The following PGAP1 variants were observed in gnomAD, a reference collection of about 807,000 sequenced individuals.
PGAP1 encodes the protein post-GPI attachment to proteins inositol deacylase 1, also known as GPI inositol-deacylase.
In PGAP1, 76 loss-of-function variants were observed where a neutral mutation model predicts 127.0. The ratio of observed to expected loss-of-function variants is 0.60; its 90% confidence interval spans 0.50 to 0.72. The LOEUF is 0.72. PGAP1 is among the 30% of genes least tolerant of loss of function. The pLI, the probability that PGAP1 is intolerant of heterozygous loss-of-function variation, is 0.00. For missense variants in PGAP1, 982 were observed against 1,071.3 expected (o/e 0.92, Z 1.16); for synonymous variants, 362 against 366.5 (o/e 0.99, Z 0.14).
chr2:196,896,575 G>A (rs1473092726), intron 7 of PGAP1, among the ~76,000 whole-genome samples: 1 of 152,154 alleles, frequency 6.6e-6, no homozygotes, highest in East Asian at 1.9e-4. Context: ...GCCGGGTGTA[G>A]TAGTTCACGC....
chr2:196,899,752 G>C lies in PGAP1; in HGVS notation c.808-1383C>G, dbSNP rs1702413524. ...CTCTCTTGCTTTAATATGTGACTGA[G>C]ATCGGGCGTAGTGGCTCACGCCTGT... On this transcript the variant is annotated intron_variant, in intron 5 of 26. Coordinates refer to ENST00000354764, the MANE Select transcript of PGAP1 (RefSeq NM_024989.4). Among the ~76,000 whole-genome samples, 3 of 152,352 alleles carry C rather than the reference G, an allele frequency of 2.0e-5. No individual in the cohort carries two copies. In the South Asian group the frequency reaches 6.2e-4, roughly 32 times the overall value.
chr2:196,863,953 T>A (rs1165655158), intron 20 of PGAP1, among the ~76,000 whole-genome samples: 1 of 152,238 alleles, frequency 6.6e-6, no homozygotes, highest in East Asian at 1.9e-4. Flanking sequence ...CACAAAGAAA[T>A]GGTAAGTGCT....
At chr2:196,878,466 T>C (rs1243553278) in intron 13 of PGAP1, among the ~76,000 whole-genome samples, 1 of 152,174 alleles carries the variant, frequency 6.6e-6, no homozygotes, top group African/African-American at 2.4e-5. Flanking sequence ...GCGTCCTCAT[T>C]ATTATAGCAA....
intron 19 of PGAP1, among the ~76,000 whole-genome samples, chr2:196,870,521 C>T (rs1701378601): frequency 6.6e-6 from 1 of 152,060 alleles, no homozygotes; most frequent in Non-Finnish European, 1.5e-5. Flanking sequence ...GTCTCGAACT[C>T]CTGACCTTAA....
chr2:196,904,273 C>A (rs944945035), intron 4 of PGAP1, among the ~76,000 whole-genome samples: 1 of 152,156 alleles, frequency 6.6e-6, no homozygotes, highest in Non-Finnish European at 1.5e-5. Flanking sequence ...TAATTCGATC[C>A]CGCATTGCAA....
chr2:196,861,919 G>A (rs1029894014), intron 20 of PGAP1, among the ~76,000 whole-genome samples: 6 of 150,208 alleles, frequency 4.0e-5, no homozygotes, highest in South Asian at 2.1e-4. Flanking sequence ...CTGTCATCTC[G>A]TAAGCCGAGG....
At chr2:196,903,299 C>G (rs780591059) in intron 4 of PGAP1, among the ~76,000 whole-genome samples, 1 of 151,080 alleles carries the variant, frequency 6.6e-6, no homozygotes. Context: ...TGGCAGTATC[C>G]CAGCTTAAAA....
At chr2:196,894,603 C>T (rs1702213466) in intron 7 of PGAP1, among the ~76,000 whole-genome samples, 1 of 152,102 alleles carries the variant, frequency 6.6e-6, no homozygotes, top group African/African-American at 2.4e-5. Flanking sequence ...GAGATCGAGA[C>T]CATCCTGGCT....
rs539068875 is a variant in PGAP1, at chr2:196,885,892, C to T, written c.1174-12G>A. 1.3e-5 allele frequency: 18 copies of T among 1,384,680 alleles called. No individual in the cohort carries two copies. In the African/African-American group the frequency reaches 1.8e-4, roughly 14 times the overall value. The allele number at this position is 1,384,680 out of a possible 1,614,324, so 85.8% of individuals were successfully genotyped here. On this transcript the variant is annotated splice_polypyrimidine_tract_variant and intron_variant, in intron 10 of 26. Transcript: ENST00000354764. Reference sequence around the variant, plus strand: ...CAACTATTTGTATCCTGTTGATGAACAGCACAAAACAAAACACACTAAGTA... The same window carrying T: ...CAACTATTTGTATCCTGTTGATGAATAGCACAAAACAAAACACACTAAGTA...
chr2:196,873,942 T>C, intron 14 of PGAP1, 184 bp from the exon 15 acceptor site: 1 of 485,430 alleles, frequency 2.1e-6, no homozygotes, highest in Non-Finnish European at 3.6e-6. Context: ...AAAATAAATT[T>C]TATTACTTCC....
At chr2:196,852,586 C>T (rs1700754456) in intron 20 of PGAP1, among the ~76,000 whole-genome samples, 3 of 151,382 alleles carry the variant, frequency 2.0e-5, no homozygotes, top group African/African-American at 7.3e-5. Flanking sequence ...CAAATGTGTT[C>T]TTTATTGACA....
In PGAP1 at chr2:196,843,955, T is replaced by C; in HGVS notation, c.2458A>G (p.Ile820Val). The change falls in exon 25 of 27, where the codon ATT (isoleucine) becomes GTT (valine). Residue 820 changes from isoleucine (I) to valine (V), a missense_variant. Physicochemically the swap from Ile to Val is conservative, Grantham distance 29. Coordinates refer to ENST00000354764, the MANE Select transcript of PGAP1 (RefSeq NM_024989.4). ...EDSLRMHSTV[I>V]NLLTWIVLLS... is the part of the protein sequence containing the mutation. Reference sequence around the variant, plus strand: ...AATACAATCCATGTTAGTAAGTTAATCACAGTACTGTGCATGCGAAGGCTA... The same window carrying C: ...AATACAATCCATGTTAGTAAGTTAACCACAGTACTGTGCATGCGAAGGCTA... The C allele has an allele frequency of 1.9e-6, 3 of 1,604,312 alleles. No individual in the cohort carries two copies. Among genetic ancestry groups the C allele is most frequent in the Non-Finnish European group, 2.6e-6 (3 of 1,173,726 alleles).
chr2:196,856,612 G>A (rs904867520), intron 20 of PGAP1, among the ~76,000 whole-genome samples: 2 of 152,114 alleles, frequency 1.3e-5, no homozygotes, highest in African/African-American at 4.8e-5. Flanking sequence ...TGATGTATGG[G>A]CCACATAAAA....
intron 2 of PGAP1, among the ~76,000 whole-genome samples, chr2:196,918,858 T>C (rs777007056): frequency 1.3e-5 from 2 of 152,226 alleles, no homozygotes; most frequent in South Asian, 2.1e-4. Context: ...TTTCTCTGTA[T>C]GTAATATTTC....
chr2:196,882,801 A>C (rs964838097), intron 12 of PGAP1, among the ~76,000 whole-genome samples: 1 of 152,106 alleles, frequency 6.6e-6, no homozygotes, highest in African/African-American at 2.4e-5. Flanking sequence ...TTTGCAAACA[A>C]AGATAATTTG....
At chr2:196,880,675 G>A (rs892793794) in intron 12 of PGAP1, among the ~76,000 whole-genome samples, 1 of 151,890 alleles carries the variant, frequency 6.6e-6, no homozygotes, top group Non-Finnish European at 1.5e-5. Flanking sequence ...ATCATCCCCT[G>A]GAATTTATTT....
rs796304264 is a variant in PGAP1, at chr2:196,892,442, T to C, written c.1034-41A>G. On this transcript the variant is annotated intron_variant, in intron 8 of 26. Coordinates refer to ENST00000354764, the MANE Select transcript of PGAP1 (RefSeq NM_024989.4). The stretch of plus-strand genomic sequence containing the variant: ...ATTAATTTATTTGCCTTGTTTTGTT[T>C]TTATACTACATAGTTTCTTTCTTCT... 5.8e-6 allele frequency: 5 copies of C among 861,300 alleles called. No homozygotes were observed. In the African/African-American group the frequency reaches 8.6e-5, roughly 15 times the overall value. 53.4% of individuals were successfully genotyped at this position (861,300 alleles called of 1,614,324 possible). A position where few individuals can be genotyped will look rare whatever the true frequency, so the allele number is the denominator to read the frequency against.
At chr2:196,921,154 T>C (rs1295849071) in intron 1 of PGAP1, among the ~76,000 whole-genome samples, 1 of 149,698 alleles carries the variant, frequency 6.7e-6, no homozygotes, top group Non-Finnish European at 1.5e-5. Context: ...AACCTGTAAA[T>C]GTTGCTAATG....
At chr2:196,886,260 A>C (rs1176694026) in intron 10 of PGAP1, among the ~76,000 whole-genome samples, 1 of 147,744 alleles carries the variant, frequency 6.8e-6, no homozygotes, top group East Asian at 2.0e-4. Flanking sequence ...TCCTGGGTTC[A>C]AGTTATTCTC....
Sources: allele counts gnomAD v4.1 joint callset (sites outside exome capture counted in the v4.1 genomes callset), GRCh38; gene constraint gnomAD v4.1.1; transcripts MANE v1.5; gene names NCBI Gene and HGNC (gene_info 2026-07-23, HGNC 2026-07-21).